HEATR4: variants seen among roughly 807,000 people sequenced by gnomAD.
The protein encoded by HEATR4 is HEAT repeat-containing protein 4.
In HEATR4, 95 loss-of-function variants were observed where a neutral mutation model predicts 108.8. The observed-to-expected ratio is 0.87, with a 90% CI of 0.74 to 1.04. The LOEUF (loss-of-function observed/expected upper bound fraction) is 1.04, where lower values mean the gene tolerates loss of function less well. Ranked by LOEUF, HEATR4 falls within the 50% of genes least tolerant of loss-of-function variation. HEATR4 has a pLI of 0.00. For missense variants in HEATR4, 1,152 were observed against 1,253.8 expected (o/e 0.92, Z 1.23); for synonymous variants, 443 against 459.4 (o/e 0.96, Z 0.46).
intron 1 of HEATR4, among the ~76,000 whole-genome samples, chr14:73,538,354 C>T (rs1206891117): frequency 8.7e-6 from 1 of 114,566 alleles, no homozygotes; most frequent in African/African-American, 2.8e-5. Context: ...TGGCTCACGC[C>T]TGTAATCCCA....
At chr14:73,499,457 G>T (rs1886296442) in intron 12 of HEATR4, among the ~76,000 whole-genome samples, 1 of 152,132 alleles carries the variant, frequency 6.6e-6, no homozygotes, top group South Asian at 2.1e-4. Flanking sequence ...TCCAGCCTGG[G>T]TGACAGAGCG....
intron 17 of HEATR4, among the ~76,000 whole-genome samples, chr14:73,486,155 A>T (rs1885444087): frequency 6.6e-6 from 1 of 152,158 alleles, no homozygotes; most frequent in South Asian, 2.1e-4. Context: ...TTGGGCCCAG[A>T]TACTCCTTGG....
At chr14:73,578,461 T>C in the HEATR4 span, among the ~76,000 whole-genome samples, 2 of 152,004 alleles carry the variant, frequency 1.3e-5, no homozygotes, top group Admixed American at 1.3e-4. Context: ...ACTCCTGGGC[T>C]CAAGCAGTCT....
chr14:73,623,805 CCT>C, the HEATR4 span, among the ~76,000 whole-genome samples: 4 of 152,028 alleles, frequency 2.6e-5, no homozygotes, highest in African/African-American at 9.7e-5. Context: ...CAAGAGTTCC[CCT>C]GAGAGCTGGT....
At chr14:73,581,255 A>G in the HEATR4 span, 2 of 151,868 alleles carry the variant, frequency 1.3e-5, no homozygotes, top group African/African-American at 2.4e-5. Flanking sequence ...TTTGGAAGCT[A>G]GGAAATCCAA....
At chr14:73,619,362 T>C in the HEATR4 span, 1 of 1,614,174 alleles carries the variant, frequency 6.2e-7, no homozygotes, top group Non-Finnish European at 8.5e-7. Context: ...ACACAGTAGC[T>C]CCTCTACATT....
chr14:73,479,247 C>T (rs571529491), intron 17 of HEATR4, among the ~76,000 whole-genome samples: 1 of 152,086 alleles, frequency 6.6e-6, no homozygotes, highest in East Asian at 1.9e-4. Flanking sequence ...TCCCGAGTAG[C>T]TGGGACTACA....
intron 17 of HEATR4, among the ~76,000 whole-genome samples, chr14:73,484,232 A>C (rs1465688034): frequency 6.6e-6 from 1 of 151,988 alleles, no homozygotes; most frequent in East Asian, 1.9e-4. Context: ...TATATGAGCA[A>C]GCAAAAGAGT....
chr14:73,543,448 CTG>C, intron 1 of HEATR4: 1 of 978,482 alleles, frequency 1.0e-6, no homozygotes, highest in Non-Finnish European at 1.5e-6. Context: ...CCCAGATCAT[CTG>C]TTACCCAGAG....
chr14:73,566,546 C>T, the HEATR4 span, among the ~76,000 whole-genome samples: 6 of 152,192 alleles, frequency 3.9e-5, no homozygotes, highest in African/African-American at 9.6e-5. Context: ...TGCTGGGGGA[C>T]CCAGCACACC....
At chr14:73,616,165 G>T in the HEATR4 span, among the ~76,000 whole-genome samples, 1 of 151,972 alleles carries the variant, frequency 6.6e-6, no homozygotes. Flanking sequence ...GATGGGTCTT[G>T]TTATGTTGCC....
In HEATR4 at chr14:73,538,591, A is replaced by G. The variant is rs1489468620; in HGVS notation, c.-151-8347T>C. On this transcript the variant is annotated intron_variant, in intron 1 of 17. Transcript: ENST00000553558. ...TCGTGCCACGCACTCCAGCCTGGGCAATAGAGTGAGACTCCGTCTCAAAAA... is the reference window on the plus strand; with the variant it reads ...TCGTGCCACGCACTCCAGCCTGGGCGATAGAGTGAGACTCCGTCTCAAAAA... 4.3e-4 allele frequency among the ~76,000 whole-genome samples: 40 copies of G among 93,882 alleles called. 4 individuals are homozygous for G. The highest frequency in any genetic ancestry group is 1.4e-3 in the African/African-American group (39 of 28,234). 61.6% of individuals were successfully genotyped at this position (93,882 alleles called of 152,430 possible).
chr14:73,605,990 G>A, the HEATR4 span, among the ~76,000 whole-genome samples: 16 of 152,148 alleles, frequency 1.1e-4, no homozygotes, highest in Non-Finnish European at 1.6e-4. Flanking sequence ...CCGGCTCATC[G>A]GATCTTGTGG....
the HEATR4 span, among the ~76,000 whole-genome samples, chr14:73,585,512 C>T: frequency 6.6e-6 from 1 of 151,888 alleles, no homozygotes; most frequent in Admixed American, 6.6e-5. Flanking sequence ...TGGTGAGACC[C>T]CGTCTCTACT....
the HEATR4 span, chr14:73,569,037 C>T: frequency 3.1e-6 from 2 of 655,278 alleles, no homozygotes; most frequent in South Asian, 4.0e-5. Flanking sequence ...CCAGCCCATT[C>T]CGCAGGCCAG....
the HEATR4 span, among the ~76,000 whole-genome samples, chr14:73,576,344 GT>G: frequency 6.6e-6 from 1 of 151,822 alleles, no homozygotes; most frequent in Non-Finnish European, 1.5e-5. Context: ...TACATATTTA[GT>G]TCTTTGATAT....
At chr14:73,617,111 TGAAGACCTCCCC>T in the HEATR4 span, 4 of 1,606,510 alleles carry the variant, frequency 2.5e-6, no homozygotes, top group Admixed American at 6.7e-5. Context: ...ATTTCAGATT[TGAAGACCTCCCC>T]GAAGATCTGA....
chr14:73,594,078 T>C, the HEATR4 span, among the ~76,000 whole-genome samples: 3 of 152,230 alleles, frequency 2.0e-5, no homozygotes, highest in Non-Finnish European at 2.9e-5. Flanking sequence ...ATTTGTGATA[T>C]AGAATTAATT....
In HEATR4 at chr14:73,524,170, T is replaced by C. The variant is rs186244431; in HGVS notation, c.-72-946A>G. Among the ~76,000 whole-genome samples the C allele has an allele frequency of 5.5e-4, 83 of 150,980 alleles. 2 individuals are homozygous for C. The highest frequency in any genetic ancestry group is 2.0e-3 in the African/African-American group (83 of 41,060). ...AGCCAGGCGCGGTGGCATGTGCCTGTAATCCCAGCTACTTGGGAGATTGAG... is the reference window on the plus strand; with the variant it reads ...AGCCAGGCGCGGTGGCATGTGCCTGCAATCCCAGCTACTTGGGAGATTGAG... On this transcript the variant is annotated intron_variant, in intron 2 of 17. Transcript: ENST00000553558.
Sources: allele counts gnomAD v4.1 joint callset (sites outside exome capture counted in the v4.1 genomes callset), GRCh38; gene constraint gnomAD v4.1.1; transcripts MANE v1.5; gene names NCBI Gene and HGNC (gene_info 2026-07-23, HGNC 2026-07-21).